Variants in PAQR8 observed in about 807,000 individuals in gnomAD.
PAQR8 encodes membrane progestin receptor beta.
In PAQR8, 17 loss-of-function variants were observed where a neutral mutation model predicts 25.2. That is an observed-to-expected ratio of 0.67 (90% CI 0.46 to 1.01). PAQR8 has a LOEUF of 1.01. PAQR8 is among the 50% of genes least tolerant of loss of function. The pLI is 0.00. For synonymous variants in PAQR8, 204 were observed against 190.6 expected, an observed-to-expected ratio of 1.07 and a Z score of -0.58; for missense variants, 392 against 448.4, an observed-to-expected ratio of 0.87 and a Z score of 1.14.
At chr6:52,389,463 G>C (rs1763672605) in intron 1 of PAQR8, among the ~76,000 whole-genome samples, 1 of 152,136 alleles carries the variant, frequency 6.6e-6, no homozygotes, top group Admixed American at 6.5e-5. Flanking sequence ...GTGAAGTAAT[G>C]GGCAAGCCTG....
chr6:52,391,117 T>TA (rs1194349627), intron 1 of PAQR8, among the ~76,000 whole-genome samples: 2 of 152,222 alleles, frequency 1.3e-5, no homozygotes, highest in Non-Finnish European at 2.9e-5. Flanking sequence ...TTTGTATGAT[T>TA]ACAAAAATAG....
chr6:52,383,061 C>T (rs998988183), intron 1 of PAQR8, among the ~76,000 whole-genome samples: 2 of 152,188 alleles, frequency 1.3e-5, no homozygotes, highest in African/African-American at 4.8e-5. Context: ...TTGGTGTGAG[C>T]CACTATGCCC....
At chr6:52,390,189 T>A (rs1763684391) in intron 1 of PAQR8, among the ~76,000 whole-genome samples, 1 of 152,234 alleles carries the variant, frequency 6.6e-6, no homozygotes, top group Non-Finnish European at 1.5e-5. Flanking sequence ...ACACAGATAC[T>A]ATTTATTCCA....
At chr6:52,370,835 C>T (rs1376529081) in intron 1 of PAQR8, among the ~76,000 whole-genome samples, 1 of 152,122 alleles carries the variant, frequency 6.6e-6, no homozygotes, top group Non-Finnish European at 1.5e-5. Context: ...GTGTTTACTC[C>T]CTATCTTCTG....
intron 1 of PAQR8, among the ~76,000 whole-genome samples, chr6:52,376,833 C>A (rs568815537): frequency 6.6e-6 from 1 of 152,268 alleles, no homozygotes; most frequent in East Asian, 1.9e-4. Flanking sequence ...TAATTGAATT[C>A]TCTGGAGGGA....
intron 1 of PAQR8, among the ~76,000 whole-genome samples, chr6:52,374,434 A>T (rs1763458382): frequency 2.0e-5 from 3 of 151,592 alleles, no homozygotes; most frequent in African/African-American, 7.3e-5. Flanking sequence ...TCTTCTTTTG[A>T]CAGGGTCTTA....
chr6:52,368,407 G>C (rs1021700127), intron 1 of PAQR8, among the ~76,000 whole-genome samples: 1 of 152,062 alleles, frequency 6.6e-6, no homozygotes, highest in Non-Finnish European at 1.5e-5. Flanking sequence ...AGTAGCACCT[G>C]GGTATCAGAT....
chr6:52,403,432 C>G lies in PAQR8; in HGVS notation c.219C>G (p.His73Gln). 6.2e-7 allele frequency: 1 copy of G among 1,614,260 alleles called. No homozygotes were observed. The highest frequency in any genetic ancestry group is 8.5e-7 in the Non-Finnish European group (1 of 1,180,050). The change falls in exon 2 of 2, where the codon CAC (histidine) becomes CAG (glutamine). Residue 73 changes from histidine (H) to glutamine (Q), a missense_variant. His to Gln is a conservative substitution (Grantham distance 24, BLOSUM62 0). Transcript: ENST00000442253. ...RYYFFSLFQK[H>Q]NEVVNVWTHL... ...ACTTCTTCAGCCTCTTTCAGAAACA[C>G]AACGAGGTGGTCAACGTCTGGACCC...
In PAQR8 at chr6:52,403,473, T is replaced by C. The variant is rs1581799569; in HGVS notation, c.260T>C (p.Leu87Pro). 1.2e-6 allele frequency: 2 copies of C among 1,614,090 alleles called. No individual in the cohort carries two copies. Among genetic ancestry groups the C allele is most frequent in the Admixed American group, 1.7e-5 (1 of 60,018 alleles). ...GTCTGGACCCATTTACTGGCAGCCC[T>C]GGCCGTCCTCTTGCGATTCTGGGCC... ...VNVWTHLLAA[L>P]AVLLRFWAFA... The change falls in exon 2 of 2, where the codon CTG becomes CCG. Residue 87 changes from leucine to proline, a missense_variant. Coordinates refer to ENST00000442253, the MANE Select transcript of PAQR8 (RefSeq NM_133367.5).
chr6:52,396,611 A>T (rs1763770182), intron 1 of PAQR8, among the ~76,000 whole-genome samples: 1 of 152,172 alleles, frequency 6.6e-6, no homozygotes, highest in Non-Finnish European at 1.5e-5. Flanking sequence ...TGGGGATGTG[A>T]GTTAGGAGAG....
chr6:52,394,795 T>A (rs914384221), intron 1 of PAQR8, among the ~76,000 whole-genome samples: 1 of 152,218 alleles, frequency 6.6e-6, no homozygotes, highest in Admixed American at 6.5e-5. Flanking sequence ...TAACCCATCA[T>A]ATGTCAAGGA....
chr6:52,364,411 T>C (rs1380441500), intron 1 of PAQR8, among the ~76,000 whole-genome samples: 1 of 152,208 alleles, frequency 6.6e-6, no homozygotes, highest in African/African-American at 2.4e-5. Context: ...GCAGTGTACT[T>C]ATTCACTTGG....
intron 1 of PAQR8, among the ~76,000 whole-genome samples, chr6:52,399,116 C>A (rs1763801865): frequency 6.6e-6 from 1 of 152,176 alleles, no homozygotes. Context: ...TGCACCTTTT[C>A]TTTTGAAGTT....
intron 1 of PAQR8, among the ~76,000 whole-genome samples, chr6:52,383,652 G>A (rs4256436): frequency 0.033 from 4,689 of 142,692 alleles, 102 homozygotes; most frequent in Middle Eastern, 0.055. Context: ...CAGAGCGAGA[G>A]TCCGTCTCAA....
At chr6:52,387,824 C>A (rs1246636792) in intron 1 of PAQR8, among the ~76,000 whole-genome samples, 2 of 152,252 alleles carry the variant, frequency 1.3e-5, no homozygotes, top group African/African-American at 2.4e-5. Context: ...CTCTGCTTTG[C>A]TGGCTTTACT....
intron 1 of PAQR8, among the ~76,000 whole-genome samples, chr6:52,397,998 C>A (rs1204820772): frequency 6.6e-6 from 1 of 152,088 alleles, no homozygotes; most frequent in African/African-American, 2.4e-5. Flanking sequence ...GGGAGGGGGG[C>A]AGACCCCACT....
chr6:52,384,414 G>T (rs1180221676), intron 1 of PAQR8, among the ~76,000 whole-genome samples: 1 of 152,134 alleles, frequency 6.6e-6, no homozygotes, highest in Non-Finnish European at 1.5e-5. Context: ...GGTGAGGAGT[G>T]CTGGTTAGGG....
At chr6:52,368,486 A>T (rs1454847220) in intron 1 of PAQR8, among the ~76,000 whole-genome samples, 4 of 151,472 alleles carry the variant, frequency 2.6e-5, no homozygotes, top group African/African-American at 7.3e-5. Flanking sequence ...ACTTGTATTT[A>T]AAAAAAAAGA....
intron 1 of PAQR8, among the ~76,000 whole-genome samples, chr6:52,389,460 A>T (rs543797352): frequency 1.1e-4 from 17 of 152,302 alleles, no homozygotes; most frequent in African/African-American, 3.8e-4. Context: ...GTAGTGAAGT[A>T]ATGGGCAAGC....
Sources: gnomAD v4.1 joint callset for allele counts (sites outside exome capture counted in the v4.1 genomes callset) on GRCh38, gnomAD v4.1.1 for gene constraint, MANE v1.5 for transcripts, NCBI Gene and HGNC (gene_info 2026-07-23, HGNC 2026-07-21) for gene names.